The following MCOLN2 variants were observed in gnomAD, a reference collection of about 807,000 sequenced individuals.
MCOLN2 encodes mucolipin-2.
MCOLN2 carries 57 observed loss-of-function variants against 67.5 expected under a neutral mutation model. That is an observed-to-expected ratio of 0.84 (90% CI 0.68 to 1.05). The LOEUF (loss-of-function observed/expected upper bound fraction) is 1.05. Among genes scored for constraint, MCOLN2 ranks in the 50% least tolerant of loss-of-function variants. The pLI is 0.00. For missense variants in MCOLN2, 620 were observed against 678.8 expected, an observed-to-expected ratio of 0.91 and a Z score of 0.96; for synonymous variants, 246 against 233.3, an observed-to-expected ratio of 1.05 and a Z score of -0.50.
At chr1:84,969,885 G>A (rs1649579381) in intron 1 of MCOLN2, among the ~76,000 whole-genome samples, 1 of 152,190 alleles carries the variant, frequency 6.6e-6, no homozygotes, top group African/African-American at 2.4e-5. Flanking sequence ...CTGGAGAGAG[G>A]GGTGAGAGAG....
At chr1:84,960,666 G>A (rs1446064669) in intron 2 of MCOLN2, among the ~76,000 whole-genome samples, 1 of 152,226 alleles carries the variant, frequency 6.6e-6, no homozygotes, top group Non-Finnish European at 1.5e-5. Context: ...AGCATGTGAT[G>A]TCTGTCAATG....
intron 2 of MCOLN2, among the ~76,000 whole-genome samples, chr1:84,964,910 C>T (rs1649294981): frequency 6.6e-6 from 1 of 152,118 alleles, no homozygotes; most frequent in African/African-American, 2.4e-5. Flanking sequence ...CCTTGCCTAC[C>T]ACTCACCTCC....
At chr1:84,959,952 C>T (rs534343031) in intron 2 of MCOLN2, among the ~76,000 whole-genome samples, 53 of 152,312 alleles carry the variant, frequency 3.5e-4, no homozygotes, top group Non-Finnish European at 5.4e-4. Flanking sequence ...GTAGTCCCAG[C>T]TGCTTGGGAG....
At chr1:84,940,306 T>C (rs1647686003) in intron 8 of MCOLN2, among the ~76,000 whole-genome samples, 1 of 152,156 alleles carries the variant, frequency 6.6e-6, no homozygotes, top group African/African-American at 2.4e-5. Context: ...GACTTCCAAT[T>C]TCCCCTGACC....
chr1:84,965,665 G>A lies in MCOLN2; in HGVS notation c.121C>T (p.Leu41=), dbSNP rs753285863. The change falls in exon 2 of 14, where the codon CTA becomes TTA. Residue 41 remains leucine, a synonymous_variant. Coordinates refer to ENST00000370608, the MANE Select transcript of MCOLN2 (RefSeq NM_153259.4). ...AAGTAAAACTTCAGGTCTTCCCTTA[G>A]ACATTCTTCTTTCATCTCAGAATCA... is the stretch of plus-strand genomic sequence containing the variant. ...HRDSEMKEEC[L]REDLKFYFMS... The A allele has an allele frequency of 8.1e-5, 131 of 1,613,684 alleles. No homozygotes were observed. Among genetic ancestry groups the A allele is most frequent in the Non-Finnish European group, 1.1e-4 (127 of 1,179,850 alleles).
chr1:84,974,787 G>A (rs1557658301), intron 1 of MCOLN2, among the ~76,000 whole-genome samples: 1 of 152,028 alleles, frequency 6.6e-6, no homozygotes, highest in Non-Finnish European at 1.5e-5. Context: ...GACCTTCCGT[G>A]GGCCAGAAGG....
In MCOLN2 at chr1:84,931,542, C is replaced by T. The variant is rs1647193494; in HGVS notation, c.1362G>A (p.Glu454=). The T allele has an allele frequency of 6.2e-7, 1 of 1,613,922 alleles. No individual in the cohort carries two copies. Among genetic ancestry groups the T allele is most frequent in the African/African-American group, 1.3e-5 (1 of 74,898 alleles). The part of the protein sequence containing the change: ...DKFENLNTVA[E]CLFSLVNGDD... Reference sequence around the variant, plus strand: ...CACCGTTGACCAGAGAAAACAGACACTCAGCAACTGTGTTCAGATTTTCAA... The same window carrying T: ...CACCGTTGACCAGAGAAAACAGACATTCAGCAACTGTGTTCAGATTTTCAA... Residue 454 remains glutamate (E), a synonymous_variant, in exon 12 of 14, where the codon GAG becomes GAA. Coordinates refer to ENST00000370608, the MANE Select transcript of MCOLN2 (RefSeq NM_153259.4).
intron 11 of MCOLN2, among the ~76,000 whole-genome samples, chr1:84,936,230 A>G (rs1424761694): frequency 1.3e-5 from 2 of 152,238 alleles, no homozygotes; most frequent in East Asian, 3.8e-4. Context: ...TGAGAATGGT[A>G]GCCATCTAGT....
chr1:84,996,882 T>G lies in MCOLN2; in HGVS notation c.-10A>C. On this transcript the variant is annotated 5_prime_UTR_variant, in exon 1 of 14. Coordinates refer to ENST00000370608, the MANE Select transcript of MCOLN2 (RefSeq NM_153259.4). Reference sequence around the variant, plus strand: ...AAGGCTGCCGGGCCATGCCTCCTCCTTCAAAACTTTCCAGGGCTCTCGGGA... The same window carrying G: ...AAGGCTGCCGGGCCATGCCTCCTCCGTCAAAACTTTCCAGGGCTCTCGGGA... 1 of 1,613,344 alleles carries G rather than the reference T, an allele frequency of 6.2e-7. No homozygotes were observed. The highest frequency in any genetic ancestry group is 8.5e-7 in the Non-Finnish European group (1 of 1,179,326).
intron 1 of MCOLN2, among the ~76,000 whole-genome samples, chr1:84,986,073 T>G (rs1187135794): frequency 6.6e-6 from 1 of 152,116 alleles, no homozygotes; most frequent in East Asian, 1.9e-4. Context: ...CAAAACAGCA[T>G]GGTACTGATA....
intron 6 of MCOLN2, among the ~76,000 whole-genome samples, chr1:84,947,853 A>T (rs1487453118): frequency 6.6e-6 from 1 of 152,240 alleles, no homozygotes; most frequent in Non-Finnish European, 1.5e-5. Context: ...AGGTGCCTGC[A>T]ACACCATGAC....
At chr1:84,943,224 T>C (rs1195383443) in intron 7 of MCOLN2, among the ~76,000 whole-genome samples, 1 of 152,066 alleles carries the variant, frequency 6.6e-6, no homozygotes, top group East Asian at 1.9e-4. Context: ...GAGAGAGTCA[T>C]GGCCTGGTCT....
chr1:84,945,570 G>GT (rs1648049111), intron 7 of MCOLN2, among the ~76,000 whole-genome samples: 1 of 152,030 alleles, frequency 6.6e-6, no homozygotes, highest in African/African-American at 2.4e-5. Context: ...GAAGCCACAG[G>GT]TATTTTACAT....
chr1:84,984,023 G>T (rs1471365241), intron 1 of MCOLN2, among the ~76,000 whole-genome samples: 2 of 151,962 alleles, frequency 1.3e-5, no homozygotes, highest in African/African-American at 4.8e-5. Flanking sequence ...TTTCATTTTA[G>T]GTATTATCAA....
Position 84,962,721 on chromosome 1 carries a change from A to G in MCOLN2, c.237+2828T>C, listed in dbSNP as rs114260078. On this transcript the variant is annotated intron_variant, in intron 2 of 13. Coordinates refer to ENST00000370608, the MANE Select transcript of MCOLN2 (RefSeq NM_153259.4). ...ACGAACAAACAAGATGTGGAAGAGA[A>G]TCATTGGGTTGGCCTGTCTGGCTGG... Among the ~76,000 whole-genome samples the G allele has an allele frequency of 9.5e-3, 1,453 of 152,288 alleles. 27 individuals carry two copies. The highest frequency in any genetic ancestry group is 0.033 in the African/African-American group (1,383 of 41,550).
rs199572501 is a variant in MCOLN2 at position 84,943,838 on chromosome 1, C to T, written c.848-2847G>A. On this transcript the variant is annotated intron_variant, in intron 7 of 13. Transcript: ENST00000370608. ...GTGAAGTGCTTGTTACAGTAGTGCC[C>T]AGTGCCTAGCACTTACATTTACCCT... Among the ~76,000 whole-genome samples the T allele has an allele frequency of 5.3e-5, 8 of 152,306 alleles. No individual in the cohort carries two copies. The East Asian group carries it at 1.4e-3, about 26-fold the overall frequency.
chr1:84,993,505 T>C (rs7553886), intron 1 of MCOLN2, among the ~76,000 whole-genome samples: 63,780 of 151,946 alleles, frequency 0.42, 14,118 homozygotes, highest in East Asian at 0.63. Context: ...ATATTCTTAA[T>C]GGCATCCATG....
At chr1:84,986,649 C>A (rs529403383) in intron 1 of MCOLN2, among the ~76,000 whole-genome samples, 16 of 150,536 alleles carry the variant, frequency 1.1e-4, no homozygotes, top group Non-Finnish European at 2.1e-4. Flanking sequence ...TGACAAAGGA[C>A]TAATATCCAG....
At chr1:84,931,228 G>C (rs1364598617) in intron 12 of MCOLN2, 134 bp downstream of exon 12, 3 of 636,764 alleles carry the variant, frequency 4.7e-6, no homozygotes, top group Non-Finnish European at 8.3e-6. Flanking sequence ...TTCATCTCCA[G>C]CGTCTAAAAA....
Sources: gnomAD v4.1 joint callset for allele counts (sites outside exome capture counted in the v4.1 genomes callset) on GRCh38, gnomAD v4.1.1 for gene constraint, MANE v1.5 for transcripts, NCBI Gene and HGNC (gene_info 2026-07-23, HGNC 2026-07-21) for gene names.